The following AP1B1 variants were observed in gnomAD, a reference collection of about 807,000 sequenced individuals.
The protein encoded by AP1B1 is adaptor related protein complex 1 subunit beta 1.
Under a neutral mutation model 104.3 loss-of-function variants are expected in AP1B1, and 36 were observed. That is an observed-to-expected ratio of 0.35 (90% CI 0.26 to 0.46). The LOEUF (loss-of-function observed/expected upper bound fraction) is 0.46. Ranked by LOEUF, AP1B1 falls within the 20% of genes least tolerant of loss-of-function variation. The pLI is 1.00. For synonymous variants in AP1B1, 504 were observed against 517.5 expected, an observed-to-expected ratio of 0.97 and a Z score of 0.35; for missense variants, 901 against 1,247.9, an observed-to-expected ratio of 0.72 and a Z score of 4.19.
intron 7 of AP1B1, among the ~76,000 whole-genome samples, chr22:29,354,414 T>C (rs898315706): frequency 4.6e-5 from 7 of 152,168 alleles, no homozygotes; most frequent in Non-Finnish European, 1.0e-4. Context: ...ACTCCTAGCC[T>C]CTGCCCACTA....
intron 1 of AP1B1, among the ~76,000 whole-genome samples, chr22:29,386,847 T>C (rs1485941608): frequency 6.6e-6 from 1 of 152,154 alleles, no homozygotes; most frequent in Non-Finnish European, 1.5e-5. Flanking sequence ...GAGGCTTAGA[T>C]TCATACAGCC....
Position 29,362,757 on chromosome 22 carries a change from T to C in AP1B1, c.143+244A>G, listed in dbSNP as rs558155868. On this transcript the variant is annotated intron_variant, in intron 3 of 22. Transcript: ENST00000357586. ...AGGGTTCATGCCACACCCACTCCATTGCCTGCTGCCTTTCCCACCTACTCC... is the reference window on the plus strand; with the variant it reads ...AGGGTTCATGCCACACCCACTCCATCGCCTGCTGCCTTTCCCACCTACTCC... Among the ~76,000 whole-genome samples, 280 of 152,248 alleles carry C rather than the reference T, an allele frequency of 1.8e-3. 1 individual carries two copies. Among genetic ancestry groups the C allele is most frequent in the Non-Finnish European group, 2.9e-3 (194 of 68,028 alleles).
At chr22:29,340,616 G>A in intron 14 of AP1B1, 40 bp downstream of exon 14, 1 of 1,494,736 alleles carries the variant, frequency 6.7e-7, no homozygotes, top group Non-Finnish European at 9.0e-7. Flanking sequence ...CTCCTCTGAG[G>A]ATCATTATCA....
chr22:29,339,862 G>A lies in AP1B1; in HGVS notation c.1999-88C>T, dbSNP rs77002180. On this transcript the variant is annotated intron_variant, in intron 14 of 22. Coordinates refer to ENST00000357586, the MANE Select transcript of AP1B1 (RefSeq NM_001127.4). The stretch of plus-strand genomic sequence containing the variant: ...AAGGAAGACAGAGAAACAAGAGAGA[G>A]AAGGGAAAGAGGGAGATTAGTCAAC... 4,544 of 1,406,776 alleles carry A rather than the reference G, an allele frequency of 3.2e-3. 15 individuals are homozygous for A. The highest frequency in any genetic ancestry group is 7.0e-3 in the Middle Eastern group (40 of 5,690). 87.1% of individuals were successfully genotyped at this position (1,406,776 alleles called of 1,614,324 possible).
intron 22 of AP1B1, chr22:29,329,375 C>G (rs1316346851): frequency 8.1e-7 from 1 of 1,236,022 alleles, no homozygotes; most frequent in Non-Finnish European, 1.0e-6. Flanking sequence ...GCTCTGGGGC[C>G]TGAGCTTGAG....
At chr22:29,341,885 T>C in intron 12 of AP1B1, 125 bp from the exon 13 acceptor site, 1 of 1,164,710 alleles carries the variant, frequency 8.6e-7, no homozygotes, top group Non-Finnish European at 1.2e-6. Context: ...TCCTGAGTGC[T>C]CCCATGAGCC....
chr22:29,351,259 G>C lies in AP1B1; in HGVS notation c.1067C>G (p.Ala356Gly). 6.2e-7 allele frequency: 1 copy of C among 1,614,188 alleles called. No individual in the cohort carries two copies. The highest frequency in any genetic ancestry group is 8.5e-7 in the Non-Finnish European group (1 of 1,180,046). The change falls in exon 9 of 23, where the codon GCA becomes GGA. Residue 356 changes from alanine (A) to glycine (G), a missense_variant. Transcript: ENST00000357586. ...TTCTGTTGCGTACTCTTTCAGCTCTGCCAACACCTGTGGCCCAAACAGAAA... is the reference window on the plus strand; with the variant it reads ...TTCTGTTGCGTACTCTTTCAGCTCTCCCAACACCTGTGGCCCAAACAGAAA... ...ASQANIAQVL[A>G]ELKEYATEVD...
chr22:29,385,058 AG>A (rs2062500034), intron 1 of AP1B1, among the ~76,000 whole-genome samples: 1 of 152,042 alleles, frequency 6.6e-6, no homozygotes, highest in South Asian at 2.1e-4. Flanking sequence ...GTTCAGGCAG[AG>A]GGAAGAGTGC....
At chr22:29,348,771 G>A (rs904639930) in intron 11 of AP1B1, among the ~76,000 whole-genome samples, 1 of 152,096 alleles carries the variant, frequency 6.6e-6, no homozygotes, top group Non-Finnish European at 1.5e-5. Context: ...AGGAAGGATG[G>A]GTGCATGTGT....
At chr22:29,373,271 C>T (rs563220517) in intron 1 of AP1B1, among the ~76,000 whole-genome samples, 1 of 149,748 alleles carries the variant, frequency 6.7e-6, no homozygotes, top group South Asian at 2.1e-4. Flanking sequence ...GACCGTGTCT[C>T]AAAAAAAGAA....
chr22:29,339,800 G>C (rs1170228551), intron 14 of AP1B1, 26 bp from the exon 15 acceptor site: 12 of 1,603,900 alleles, frequency 7.5e-6, no homozygotes, highest in East Asian at 2.3e-5. Flanking sequence ...GGCAGGTGAA[G>C]AGAACAGGCA....
chr22:29,356,562 T>C lies in AP1B1; in HGVS notation c.580A>G (p.Ser194Gly). Residue 194 changes from serine (S) to glycine (G), a missense_variant, in exon 6 of 23, where the codon AGC becomes GGC. Ser to Gly is a moderately conservative substitution (Grantham distance 56, BLOSUM62 0). Coordinates refer to ENST00000357586, the MANE Select transcript of AP1B1 (RefSeq NM_001127.4). ...LSEIAESHPS[S>G]NLLDLNPQSI... ...TGTGGGTTCAGATCGAGCAGGTTGCTGCTGGGGTGAGACTCGGCAATTTCT... is the reference window on the plus strand; with the variant it reads ...TGTGGGTTCAGATCGAGCAGGTTGCCGCTGGGGTGAGACTCGGCAATTTCT... 1 of 1,614,200 alleles carries C rather than the reference T, an allele frequency of 6.2e-7. No individual in the cohort carries two copies. Among genetic ancestry groups the C allele is most frequent in the Non-Finnish European group, 8.5e-7 (1 of 1,180,030 alleles).
At chr22:29,350,420 G>A (rs1602728699) in intron 9 of AP1B1, among the ~76,000 whole-genome samples, 1 of 152,296 alleles carries the variant, frequency 6.6e-6, no homozygotes, top group East Asian at 1.9e-4. Flanking sequence ...GCTCCTCTAA[G>A]TCAGGACCTG....
chr22:29,386,867 A>T lies in AP1B1; in HGVS notation c.-28+1557T>A, dbSNP rs893093243. On this transcript the variant is annotated intron_variant, in intron 1 of 22. Transcript: ENST00000357586. ...TTAGATTCATACAGCCTAGTCCTCC[A>T]GCCACCAAACCGTCTCACCACCTCC... Among the ~76,000 whole-genome samples, 11 of 152,348 alleles carry T rather than the reference A, an allele frequency of 7.2e-5. No homozygotes were observed. The South Asian group carries it at 2.3e-3, about 32-fold the overall frequency.
At chr22:29,383,468 T>C (rs1394199395) in intron 1 of AP1B1, among the ~76,000 whole-genome samples, 1 of 151,986 alleles carries the variant, frequency 6.6e-6, no homozygotes, top group Non-Finnish European at 1.5e-5. Context: ...CCCAGCACTT[T>C]GGGAGGCTGA....
rs1268438890 is a variant in AP1B1, at chr22:29,331,954, G to T, written c.2310-38C>A. The T allele has an allele frequency of 1.9e-6, 3 of 1,583,778 alleles. No individual in the cohort carries two copies. The Middle Eastern group carries it at 5.7e-4, about 299-fold the overall frequency. ...AAGCCCCACAGGGATGGCAGGGGGA[G>T]TAGGTGCTGATGCGGGACAGGTGAG... On this transcript the variant is annotated intron_variant, in intron 17 of 22. Transcript: ENST00000357586.
chr22:29,356,327 G>T (rs2061957088), intron 6 of AP1B1, 99 bp downstream of exon 6: 62 of 1,285,908 alleles, frequency 4.8e-5, no homozygotes, highest in Non-Finnish European at 6.5e-5. Flanking sequence ...CAAAGCACTA[G>T]AAAGGGGCCC....
chr22:29,370,179 G>A (rs142631457), intron 1 of AP1B1, among the ~76,000 whole-genome samples: 5 of 152,200 alleles, frequency 3.3e-5, no homozygotes, highest in African/African-American at 7.2e-5. Context: ...GTGGCCGGGC[G>A]TGGTGGCTCA....
At chr22:29,359,039 G>A (rs2062004204) in intron 4 of AP1B1, 68 bp from the exon 5 acceptor site, 1 of 1,475,006 alleles carries the variant, frequency 6.8e-7, no homozygotes, top group Admixed American at 2.0e-5. Context: ...TATTCTCCCT[G>A]GCCTGCAGCT....
Sources: gnomAD v4.1 joint callset for allele counts (sites outside exome capture counted in the v4.1 genomes callset) on GRCh38, gnomAD v4.1.1 for gene constraint, MANE v1.5 for transcripts, NCBI Gene and HGNC (gene_info 2026-07-23, HGNC 2026-07-21) for gene names.